MAP3K15: variants seen among roughly 807,000 people sequenced by gnomAD.
MAP3K15 encodes MAPK/ERK kinase kinase 15.
Under a neutral mutation model 99.5 loss-of-function variants are expected in MAP3K15, and 124 were observed. The ratio of observed to expected loss-of-function variants is 1.25; its 90% confidence interval spans 1.08 to 1.45. The LOEUF (loss-of-function observed/expected upper bound fraction) is 1.45, where lower values mean the gene tolerates loss of function less well. MAP3K15 is among the 40% of genes most tolerant of loss of function. The probability of loss-of-function intolerance (pLI) is 0.00; values close to 1 mark genes in which losing one functional copy is unlikely to be tolerated. For missense variants in MAP3K15, 1,242 were observed against 1,079.7 expected, an observed-to-expected ratio of 1.15 and a Z score of -2.11; for synonymous variants, 494 against 439.6, an observed-to-expected ratio of 1.12 and a Z score of -1.55.
rs775859796 is a variant in MAP3K15 at position 19,403,992 on chromosome X, C to T, written c.1844+3196G>A. Reference sequence around the variant, plus strand: ...ATAAAGATGTCTACTCTCCCTATTTCTATTCCACATTGTGCTGGAGAGTCT... The same window carrying T: ...ATAAAGATGTCTACTCTCCCTATTTTTATTCCACATTGTGCTGGAGAGTCT... On this transcript the variant is annotated intron_variant, in intron 13 of 28. Coordinates refer to ENST00000338883, the MANE Select transcript of MAP3K15 (RefSeq NM_001001671.4). Among the ~76,000 whole-genome samples, 5 of 111,894 alleles carry T rather than the reference C, an allele frequency of 4.5e-5. No homozygotes were observed. The East Asian group carries it at 1.1e-3, about 25-fold the overall frequency.
At chrX:19,488,065 G>C (rs2064341716) in intron 2 of MAP3K15, among the ~76,000 whole-genome samples, 1 of 111,540 alleles carries the variant, frequency 9.0e-6, no homozygotes, top group South Asian at 3.8e-4. Context: ...TCAAGGCCGA[G>C]AAGCACTGCT....
In MAP3K15 at chrX:19,441,248, C is replaced by T. The variant is rs746668977; in HGVS notation, c.996-9640G>A. On this transcript the variant is annotated intron_variant, in intron 6 of 28. Transcript: ENST00000338883. ...GTTTTCCTCAGGCTAGAGAGTGAGG[C>T]GGAAGAAGAGGGGGTACCCATTAAC... Among the ~76,000 whole-genome samples, 4 of 109,761 alleles carry T rather than the reference C, an allele frequency of 3.6e-5. No individual in the cohort carries two copies. The South Asian group carries it at 1.2e-3, about 33-fold the overall frequency.
At chrX:19,458,351 A>G (rs867918241) in intron 5 of MAP3K15, among the ~76,000 whole-genome samples, 6 of 112,446 alleles carry the variant, frequency 5.3e-5, no homozygotes, top group Non-Finnish European at 1.1e-4. Flanking sequence ...GACAAGACCT[A>G]ATCATTATCA....
rs961893753 is a variant in MAP3K15, at chrX:19,362,672, G to A, written c.3679+66C>T. 12 of 668,852 alleles carry A rather than the reference G, an allele frequency of 1.8e-5. No individual in the cohort carries two copies. The Middle Eastern group carries it at 1.5e-3, about 82-fold the overall frequency. 55.1% of individuals were successfully genotyped at this position (668,852 alleles called of 1,213,427 possible). ...GGATTAACAGAAGATAACCTCAAAT[G>A]TTTCTTCAAAGCTAACTAGAATATT... On this transcript the variant is annotated intron_variant, in intron 26 of 28. Transcript: ENST00000338883.
In MAP3K15 at chrX:19,369,040, C is replaced by T. The variant is rs1294876338; in HGVS notation, c.3566+14G>A. 1 of 1,175,594 alleles carries T rather than the reference C, an allele frequency of 8.5e-7. No homozygotes were observed. Among genetic ancestry groups the T allele is most frequent in the Non-Finnish European group, 1.1e-6 (1 of 879,296 alleles). ...CAGCGCCTGCTCCCAGAGGAGGGCC[C>T]AGAAGCTCCTCACCTGTTGGTCTCC... On this transcript the variant is annotated intron_variant, in intron 25 of 28. Coordinates refer to ENST00000338883, the MANE Select transcript of MAP3K15 (RefSeq NM_001001671.4).
intron 18 of MAP3K15, among the ~76,000 whole-genome samples, chrX:19,384,443 T>C (rs1348079831): frequency 9.1e-6 from 1 of 109,436 alleles, no homozygotes; most frequent in Non-Finnish European, 1.9e-5. Context: ...AGGGTGACCA[T>C]AGTCAATACA....
chrX:19,367,466 TA>T (rs755577901), intron 25 of MAP3K15, among the ~76,000 whole-genome samples: 167 of 99,931 alleles, frequency 1.7e-3, no homozygotes, highest in Admixed American at 4.3e-3. Flanking sequence ...CTCTTGAACT[TA>T]AAAAAAAAAA....
chrX:19,379,198 T>A (rs1243816829), intron 19 of MAP3K15, among the ~76,000 whole-genome samples: 1 of 110,643 alleles, frequency 9.0e-6, no homozygotes, highest in Non-Finnish European at 1.9e-5. Context: ...TAAATAAGAC[T>A]CTTGCCAGAA....
chrX:19,409,958 A>G lies in MAP3K15; in HGVS notation c.1714T>C (p.Trp572Arg). ...TTTATGGAAGAGGCTGTAAAATTCC[A>G]TTCGTGCATCTGTTTCTGCAAGTTA... ...SPTEMKQMHE[W>R]NFTASSIKGI... The change falls in exon 12 of 29, where the codon TGG becomes CGG. Residue 572 changes from tryptophan to arginine, a missense_variant. Transcript: ENST00000338883. 1 of 1,205,303 alleles carries G rather than the reference A, an allele frequency of 8.3e-7. No homozygotes were observed. Among genetic ancestry groups the G allele is most frequent in the South Asian group, 1.8e-5 (1 of 56,595 alleles).
At chrX:19,406,696 AATGTT>A (rs1440800188) in intron 13 of MAP3K15, among the ~76,000 whole-genome samples, 4 of 112,494 alleles carry the variant, frequency 3.6e-5, no homozygotes, top group African/African-American at 9.7e-5. Flanking sequence ...AAAAATGCTG[AATGTT>A]ATGTTATTTA....
chrX:19,392,588 C>T (rs766336550), intron 16 of MAP3K15, 115 bp from the exon 17 acceptor site: 20 of 713,011 alleles, frequency 2.8e-5, no homozygotes, highest in Non-Finnish European at 3.9e-5. Context: ...CCAACACCAT[C>T]GGATCTGGGC....
chrX:19,371,134 G>T, intron 23 of MAP3K15, 70 bp from the exon 24 acceptor site: 1 of 886,206 alleles, frequency 1.1e-6, no homozygotes, highest in South Asian at 2.6e-5. Context: ...ATTGCACGGA[G>T]AATCACGGCA....
intron 6 of MAP3K15, among the ~76,000 whole-genome samples, chrX:19,449,153 A>C (rs2064021099): frequency 9.1e-6 from 1 of 109,761 alleles, no homozygotes; most frequent in Non-Finnish European, 1.9e-5. Context: ...CGCCCTGTTG[A>C]CTCTGTAATC....
At chrX:19,463,348 G>A (rs1423728729) in intron 4 of MAP3K15, among the ~76,000 whole-genome samples, 3 of 111,624 alleles carry the variant, frequency 2.7e-5, no homozygotes, top group African/African-American at 9.8e-5. Flanking sequence ...GCAGTTCAGG[G>A]TGCCACTATT....
intron 6 of MAP3K15, among the ~76,000 whole-genome samples, chrX:19,454,757 G>T (rs2064080185): frequency 8.9e-6 from 1 of 111,799 alleles, no homozygotes; most frequent in African/African-American, 3.3e-5. Flanking sequence ...ATATATACCA[G>T]TTAGGTATCT....
intron 6 of MAP3K15, among the ~76,000 whole-genome samples, chrX:19,445,424 C>A (rs2063988674): frequency 9.3e-6 from 1 of 107,101 alleles, no homozygotes; most frequent in Non-Finnish European, 1.9e-5. Flanking sequence ...AACCTCGTCA[C>A]TACTAAAAGT....
chrX:19,420,038 T>C (rs372008144), intron 9 of MAP3K15, among the ~76,000 whole-genome samples: 2 of 111,596 alleles, frequency 1.8e-5, no homozygotes, highest in South Asian at 7.5e-4. Context: ...ACATTCAAAG[T>C]AGTGTGTAGA....
At chrX:19,506,521 T>C (rs1375966040) in intron 1 of MAP3K15, among the ~76,000 whole-genome samples, 1 of 111,855 alleles carries the variant, frequency 8.9e-6, no homozygotes, top group Non-Finnish European at 1.9e-5. Context: ...TCTTAGTTTT[T>C]ATTTATTTAT....
intron 1 of MAP3K15, among the ~76,000 whole-genome samples, chrX:19,492,464 C>G (rs1448494340): frequency 3.6e-5 from 4 of 111,189 alleles, no homozygotes; most frequent in Non-Finnish European, 7.5e-5. Context: ...GTCAAATTTA[C>G]CCTTTAGAGG....
Sources: gnomAD v4.1 joint callset for allele counts (sites outside exome capture counted in the v4.1 genomes callset) on GRCh38, gnomAD v4.1.1 for gene constraint, MANE v1.5 for transcripts, NCBI Gene and HGNC (gene_info 2026-07-23, HGNC 2026-07-21) for gene names.